The following COG3 variants were observed in gnomAD, a reference collection of about 807,000 sequenced individuals.
The protein encoded by COG3 is component of oligomeric golgi complex 3, also known as conserved oligomeric Golgi complex subunit 3.
In COG3, 32 loss-of-function variants were observed where a neutral mutation model predicts 114.1. The observed-to-expected ratio is 0.28, with a 90% CI of 0.21 to 0.38. The LOEUF (loss-of-function observed/expected upper bound fraction) is 0.38. COG3 is among the 10% of genes least tolerant of loss of function. The probability of loss-of-function intolerance (pLI) is 1.00; values close to 1 mark genes in which losing one functional copy is unlikely to be tolerated. For missense variants in COG3, 813 were observed against 973.2 expected (o/e 0.84, Z 2.19); for synonymous variants, 352 against 365.7 (o/e 0.96, Z 0.43).
chr13:45,508,641 C>T (rs897210167), intron 14 of COG3, among the ~76,000 whole-genome samples: 1 of 152,132 alleles, frequency 6.6e-6, no homozygotes, highest in Non-Finnish European at 1.5e-5. Flanking sequence ...CCTCTAATGC[C>T]TAGTCCATCT....
At chr13:45,481,115 A>G in intron 4 of COG3, 115 bp from the exon 5 acceptor site, 1 of 661,888 alleles carries the variant, frequency 1.5e-6, no homozygotes, top group Non-Finnish European at 2.7e-6. Context: ...CTGAATTCTC[A>G]TATCTGATAT....
intron 13 of COG3, 64 bp from the exon 14 acceptor site, chr13:45,503,180 G>T: frequency 1.3e-6 from 1 of 771,550 alleles, no homozygotes; most frequent in South Asian, 1.5e-5. Flanking sequence ...TTTGTATAAA[G>T]AACATGTTCA....
At chr13:45,526,744 A>G (rs181051772) in intron 20 of COG3, among the ~76,000 whole-genome samples, 133 of 152,352 alleles carry the variant, frequency 8.7e-4, no homozygotes, top group Middle Eastern at 3.4e-3. Flanking sequence ...ACAAAAGCAC[A>G]CTTAATACAG....
chr13:45,467,121 T>C (rs2137764322), intron 1 of COG3, among the ~76,000 whole-genome samples: 1 of 152,336 alleles, frequency 6.6e-6, no homozygotes. Flanking sequence ...AGTGACAGCC[T>C]GAGGTGAGAA....
intron 13 of COG3, among the ~76,000 whole-genome samples, chr13:45,502,493 A>G (rs982551923): frequency 6.6e-6 from 1 of 152,182 alleles, no homozygotes; most frequent in Non-Finnish European, 1.5e-5. Flanking sequence ...GGACTGGGGT[A>G]TAAGAGTGGT....
rs762748459 is a variant in COG3 at position 45,519,018 on chromosome 13, T to A, written c.2078T>A (p.Leu693Gln). ...TCTAAAAAAGACGTAGACCGTCATC[T>A]GAAATCGGCCTGTGAGCAGTTTATT... ...LDSKKDVDRH[L>Q]KSACEQFIQQ... Residue 693 changes from leucine (L) to glutamine (Q), a missense_variant, in exon 19 of 23, where the codon CTG (leucine) becomes CAG (glutamine). Leu to Gln is a moderately radical substitution (Grantham distance 113). This residue lies in a region of COG3 where 389 missense variants were observed against 542.6 expected (regional missense o/e 0.72). Coordinates refer to ENST00000349995, the MANE Select transcript of COG3 (RefSeq NM_031431.4). The A allele has an allele frequency of 6.2e-7, 1 of 1,614,230 alleles. No individual in the cohort carries two copies. The highest frequency in any genetic ancestry group is 8.5e-7 in the Non-Finnish European group (1 of 1,180,022).
At chr13:45,534,084 G>A (rs190457751) in intron 22 of COG3, among the ~76,000 whole-genome samples, 5 of 152,302 alleles carry the variant, frequency 3.3e-5, no homozygotes, top group Admixed American at 6.5e-5. Flanking sequence ...CCAGTCCTCC[G>A]TTACAGAGCG....
Position 45,496,037 on chromosome 13 carries a change from C to T in COG3, c.1328-115C>T, listed in dbSNP as rs571043491. On this transcript the variant is annotated intron_variant, in intron 12 of 22. Transcript: ENST00000349995. The stretch of plus-strand genomic sequence containing the variant: ...TGCTGAAATAGAATACAATCACAGC[C>T]TCTGAAGCAAAAGTGGTTCATACTG... The T allele has an allele frequency of 1.3e-5, 12 of 905,678 alleles. No homozygotes were observed. The South Asian group carries it at 2.2e-4, about 16-fold the overall frequency. 56.1% of individuals were successfully genotyped at this position (905,678 alleles called of 1,614,324 possible).
intron 20 of COG3, among the ~76,000 whole-genome samples, chr13:45,529,025 G>C (rs1227520886): frequency 2.0e-5 from 3 of 152,162 alleles, no homozygotes; most frequent in Non-Finnish European, 2.9e-5. Context: ...AAAGATGCCT[G>C]TTTCTCCATA....
chr13:45,522,881 G>A (rs746557463), intron 19 of COG3, among the ~76,000 whole-genome samples: 4 of 152,172 alleles, frequency 2.6e-5, no homozygotes, highest in Admixed American at 6.5e-5. Flanking sequence ...GACTTGGGAT[G>A]GTAGTGGTTA....
intron 22 of COG3, 119 bp from the exon 23 acceptor site, chr13:45,534,583 C>A: frequency 1.9e-6 from 1 of 531,162 alleles, no homozygotes; most frequent in East Asian, 3.4e-5. Flanking sequence ...GGTTTGTTAC[C>A]TGGCTGTATT....
chr13:45,482,120 A>G (rs377477668), intron 5 of COG3, among the ~76,000 whole-genome samples: 66 of 152,264 alleles, frequency 4.3e-4, no homozygotes, highest in African/African-American at 1.4e-3. Flanking sequence ...ATAGTGGGGT[A>G]ATATATACCA....
intron 19 of COG3, among the ~76,000 whole-genome samples, chr13:45,524,489 CTTAT>C (rs778953304): frequency 3.3e-5 from 5 of 152,126 alleles, no homozygotes; most frequent in Non-Finnish European, 7.4e-5. Context: ...ATTTGAAAAT[CTTAT>C]TTGTTTGTTT....
At chr13:45,483,775 T>C (rs913717511) in intron 7 of COG3, among the ~76,000 whole-genome samples, 2 of 152,202 alleles carry the variant, frequency 1.3e-5, no homozygotes, top group Non-Finnish European at 2.9e-5. Context: ...TAATGCATAA[T>C]TTAAATTTTC....
chr13:45,521,828 A>G (rs2137911180), intron 19 of COG3, among the ~76,000 whole-genome samples: 1 of 128,370 alleles, frequency 7.8e-6, no homozygotes, highest in South Asian at 2.3e-4. Context: ...TTTTTGAGAC[A>G]GTCTTGCTCT....
chr13:45,482,583 A>G, intron 6 of COG3, 110 bp downstream of exon 6: 10 of 540,736 alleles, frequency 1.8e-5, no homozygotes, highest in Non-Finnish European at 2.9e-5. Context: ...TTCCTATTAT[A>G]TCACTTCTTG....
At chr13:45,483,027 C>G (rs899863771) in intron 6 of COG3, among the ~76,000 whole-genome samples, 2 of 152,198 alleles carry the variant, frequency 1.3e-5, no homozygotes, top group African/African-American at 2.4e-5. Flanking sequence ...TATGGAGCTC[C>G]TACTTTGTGC....
chr13:45,494,906 C>T (rs1302136684), intron 12 of COG3, among the ~76,000 whole-genome samples: 5 of 137,496 alleles, frequency 3.6e-5, no homozygotes, highest in African/African-American at 8.1e-5. Context: ...TGTGCAGTGG[C>T]GCGATCTCGG....
At chr13:45,504,116 A>C (rs1341313564) in intron 14 of COG3, among the ~76,000 whole-genome samples, 1 of 152,024 alleles carries the variant, frequency 6.6e-6, no homozygotes, top group Non-Finnish European at 1.5e-5. Flanking sequence ...GTAGCTCCCC[A>C]TGGGACAACT....
Sources: gnomAD v4.1 joint callset for allele counts (sites outside exome capture counted in the v4.1 genomes callset) on GRCh38, gnomAD v4.1.1 for gene constraint, gnomAD v4.1.1 regional missense constraint, MANE v1.5 for transcripts, NCBI Gene and HGNC (gene_info 2026-07-23, HGNC 2026-07-21) for gene names.